The following TET3 variants were observed in gnomAD, a reference collection of about 807,000 sequenced individuals.
TET3 encodes the protein tet methylcytosine dioxygenase 3, also known as methylcytosine dioxygenase TET3.
Under a neutral mutation model 141.4 loss-of-function variants are expected in TET3, and 19 were observed. That is an observed-to-expected ratio of 0.13 (90% CI 0.09 to 0.20). The LOEUF (loss-of-function observed/expected upper bound fraction) is 0.20, where lower values mean the gene tolerates loss of function less well. TET3 is among the 10% of genes least tolerant of loss of function. The probability of loss-of-function intolerance (pLI) is 1.00; values close to 1 mark genes in which losing one functional copy is unlikely to be tolerated. For missense variants in TET3, 1,874 were observed against 2,356.9 expected (o/e 0.80, Z 4.24); for synonymous variants, 1,043 against 980.9 (o/e 1.06, Z -1.18).
rs781740394 is a variant in TET3, at chr2:74,101,662, A to C, written c.4874A>C (p.Glu1625Ala). 3.1e-6 allele frequency: 5 copies of C among 1,613,544 alleles called. No individual in the cohort carries two copies. In the African/African-American group the frequency reaches 6.7e-5, roughly 22 times the overall value. ...CCCAGCAAGGGAGCGGTGAAGGAGG[A>C]GAAGGGCGGTGGTGGTGCGGAGGAG... ...EPPSKGAVKEEKGGGGAEEEE... is the reference protein window; with the variant it reads ...EPPSKGAVKEAKGGGGAEEEE... Residue 1625 changes from glutamate to alanine, a missense_variant, in exon 12 of 12, where the codon GAG becomes GCG. Glu to Ala is a moderately radical substitution (Grantham distance 107). Coordinates refer to ENST00000409262, the MANE Select transcript of TET3 (RefSeq NM_001287491.2). This position sits in a 1 kb window ranked among gnomAD's most constrained non-coding sequence, Gnocchi z 8.5.
the TET3 span, among the ~76,000 whole-genome samples, chr2:74,118,123 G>T: frequency 1.3e-5 from 2 of 152,200 alleles, no homozygotes; most frequent in Non-Finnish European, 2.9e-5. Flanking sequence ...TCATCTCCAC[G>T]AGAGCAGATA....
rs146610508 is a variant in TET3, at chr2:73,998,180, C to T, written c.304-4930C>T. ...TCCTCTTGGAAGTCTTCTGCTGGGG[C>T]TGTCCCCGGGTTTCTAGCTCAGCAT... On this transcript the variant is annotated intron_variant, in intron 2 of 11. Coordinates refer to ENST00000409262, the MANE Select transcript of TET3 (RefSeq NM_001287491.2). 2.4e-3 allele frequency among the ~76,000 whole-genome samples: 360 copies of T among 152,288 alleles called. 3 individuals are homozygous for T. Among genetic ancestry groups the T allele is most frequent in the African/African-American group, 7.9e-3 (327 of 41,568 alleles).
chr2:74,048,277 C>A lies in TET3; in HGVS notation c.2360C>A (p.Ala787Asp), dbSNP rs939760660. 1 of 1,613,920 alleles carries A rather than the reference C, an allele frequency of 6.2e-7. No homozygotes were observed. Among genetic ancestry groups the A allele is most frequent in the African/African-American group, 1.3e-5 (1 of 75,050 alleles). ...EGGQEATPTK[A>D]ENPLTPTLSG... is the part of the protein sequence containing the mutation. ...GGACAGGAGGCCACACCCACCAAGG[C>A]TGAGAACCCACTCACACCCACCCTC... is the stretch of plus-strand genomic sequence containing the variant. The change falls in exon 4 of 12, where the codon GCT becomes GAT. Residue 787 changes from alanine (A) to aspartate (D), a missense_variant. By Grantham distance (126) the Ala-to-Asp change is moderately radical. Transcript: ENST00000409262.
At chr2:74,121,757 G>C in the TET3 span, 13 of 152,258 alleles carry the variant, frequency 8.5e-5, no homozygotes, top group Admixed American at 6.5e-4. Context: ...CAGCATATTG[G>C]GAGTCTGAGG....
intron 10 of TET3, among the ~76,000 whole-genome samples, chr2:74,096,565 G>C (rs892113774): frequency 7.9e-5 from 12 of 152,056 alleles, no homozygotes; most frequent in African/African-American, 2.9e-4. Flanking sequence ...TCAGGAGTTT[G>C]TGACCAGCCT....
intron 8 of TET3, among the ~76,000 whole-genome samples, chr2:74,091,923 C>A (rs1471912769): frequency 6.6e-6 from 1 of 152,170 alleles, no homozygotes; most frequent in East Asian, 1.9e-4. Flanking sequence ...TGGAAACATT[C>A]TCTGCTGTCC....
the TET3 span, among the ~76,000 whole-genome samples, chr2:74,133,194 G>A: frequency 3.8e-4 from 57 of 151,702 alleles, no homozygotes; most frequent in African/African-American, 1.3e-3. Flanking sequence ...GATTACGCGC[G>A]TGAGCCACCG....
At chr2:74,058,768 C>T (rs547809821) in intron 4 of TET3, among the ~76,000 whole-genome samples, 3 of 152,112 alleles carry the variant, frequency 2.0e-5, no homozygotes, top group African/African-American at 7.2e-5. Context: ...CCTCCAGGCA[C>T]GTGGCACCCA....
At chr2:74,008,939 C>G (rs1685288058) in intron 3 of TET3, among the ~76,000 whole-genome samples, 1 of 152,182 alleles carries the variant, frequency 6.6e-6, no homozygotes, top group Admixed American at 6.5e-5. Context: ...GCATTTTTCC[C>G]CCGTGTAATC....
At chr2:74,084,553 C>T (rs1457761111) in intron 6 of TET3, among the ~76,000 whole-genome samples, 8 of 151,910 alleles carry the variant, frequency 5.3e-5, no homozygotes, top group East Asian at 3.9e-4. Flanking sequence ...CCTGGGTTCA[C>T]GCCATTCTCC....
intron 2 of TET3, among the ~76,000 whole-genome samples, chr2:73,994,609 AT>A (rs200426664): frequency 2.5e-5 from 3 of 117,906 alleles, no homozygotes; most frequent in Non-Finnish European, 3.7e-5. Flanking sequence ...TATCAGGTCT[AT>A]TTTTTTTCTT....
At chr2:74,011,248 A>C (rs1032041459) in intron 3 of TET3, among the ~76,000 whole-genome samples, 3 of 150,944 alleles carry the variant, frequency 2.0e-5, no homozygotes, top group African/African-American at 7.3e-5. Flanking sequence ...AAAAAAAAAC[A>C]CTTTAAAAAT....
At chr2:74,050,988 G>A (rs1416459180) in intron 4 of TET3, among the ~76,000 whole-genome samples, 1 of 152,202 alleles carries the variant, frequency 6.6e-6, no homozygotes, top group Non-Finnish European at 1.5e-5. Flanking sequence ...GTACCCTGTA[G>A]CACAGACTTA....
chr2:74,003,287 A>G, intron 3 of TET3, 121 bp downstream of exon 3: 1 of 1,315,870 alleles, frequency 7.6e-7, no homozygotes, highest in South Asian at 1.4e-5. Context: ...CTGTGTGTGT[A>G]GCAGCAGCTG....
rs925788050 is a variant in TET3, at chr2:74,047,024, C to T, written c.1107C>T (p.Ala369=). 1 of 1,613,866 alleles carries T rather than the reference C, an allele frequency of 6.2e-7. No individual in the cohort carries two copies. The highest frequency in any genetic ancestry group is 1.3e-5 in the African/African-American group (1 of 74,914). ...AGGCCCTCACACAGCTCTCCTCTGC[C>T]CTCCCGCAGCCTTCTCATTCCACCC... The part of the protein sequence containing the change: ...AIEALTQLSS[A]LPQPSHSTPQ... The change falls in exon 4 of 12, where the codon GCC becomes GCT. Residue 369 remains alanine, a synonymous_variant. Transcript: ENST00000409262.
chr2:74,088,570 G>T (rs556040743), intron 7 of TET3, among the ~76,000 whole-genome samples: 3 of 152,124 alleles, frequency 2.0e-5, no homozygotes, highest in Admixed American at 1.3e-4. Flanking sequence ...GAACTCGGGC[G>T]GCGGAAGTTG....
At chr2:74,132,198 G>C in the TET3 span, among the ~76,000 whole-genome samples, 2 of 152,246 alleles carry the variant, frequency 1.3e-5, no homozygotes, top group African/African-American at 2.4e-5. Context: ...AGTCCAGCTA[G>C]AGGCTGCAAT....
At chr2:74,122,284 C>G in the TET3 span, 1 of 151,648 alleles carries the variant, frequency 6.6e-6, no homozygotes, top group Non-Finnish European at 1.5e-5. Context: ...GGCAGGCTCA[C>G]ACAATCAAGT....
chr2:74,032,897 A>G (rs989393676), intron 3 of TET3, among the ~76,000 whole-genome samples: 2 of 152,196 alleles, frequency 1.3e-5, no homozygotes, highest in Non-Finnish European at 2.9e-5. Context: ...AGTTAGTTAC[A>G]TAGAACTTTT....
Sources: allele counts gnomAD v4.1 joint callset (sites outside exome capture counted in the v4.1 genomes callset), GRCh38; gene constraint gnomAD v4.1.1; non-coding constraint Gnocchi (gnomAD v3.1); transcripts MANE v1.5; gene names NCBI Gene and HGNC (gene_info 2026-07-23, HGNC 2026-07-21).